Variants in TPST2 observed in about 807,000 individuals in gnomAD.
TPST2 encodes tyrosylprotein sulfotransferase 2, also known as protein-tyrosine sulfotransferase 2.
In TPST2, 16 loss-of-function variants were observed where a neutral mutation model predicts 27.8. The ratio of observed to expected loss-of-function variants is 0.58; its 90% CI spans 0.39 to 0.88. The LOEUF is 0.88. Among genes scored for constraint, TPST2 ranks in the 40% least tolerant of loss-of-function variants. The pLI is 0.00. For synonymous variants in TPST2, 229 were observed against 231.7 expected (o/e 0.99, Z 0.10); for missense variants, 464 against 543.1 (o/e 0.85, Z 1.45).
intron 2 of TPST2, among the ~76,000 whole-genome samples, chr22:26,542,011 G>A (rs928701890): frequency 6.7e-6 from 1 of 149,974 alleles, no homozygotes; most frequent in Non-Finnish European, 1.5e-5. Context: ...TGAGCCACCC[G>A]GTCCAGCGGA....
At position 26,541,420 on chromosome 22, in the gene TPST2, T is replaced by C; in HGVS notation, c.211A>G (p.Ile71Val). 6.4e-7 allele frequency: 1 copy of C among 1,573,932 alleles called. No individual in the cohort carries two copies. The highest frequency in any genetic ancestry group is 1.2e-5 in the South Asian group (1 of 85,008). ...CTGCGAGGCACGCCACCCACGAAGA[T>C]GAGCGGCATGGCCTTGCCATAGCGG... is the stretch of plus-strand genomic sequence containing the variant. Reference protein sequence around the residue: ...EYRYGKAMPLIFVGGVPRSGT... With the variant: ...EYRYGKAMPLVFVGGVPRSGT... The change falls in exon 3 of 7, where the codon ATC becomes GTC. Residue 71 changes from isoleucine (I) to valine (V), a missense_variant. Ile to Val is a conservative substitution (Grantham distance 29). Coordinates refer to ENST00000338754, the MANE Select transcript of TPST2 (RefSeq NM_003595.5). The surrounding 1 kb of genome is among the most constrained non-coding windows in gnomAD (Gnocchi z 5.9).
At chr22:26,576,825 G>A (rs539150101) in intron 1 of TPST2, among the ~76,000 whole-genome samples, 109 of 151,868 alleles carry the variant, frequency 7.2e-4, no homozygotes, top group Admixed American at 4.5e-3. Context: ...GGCCGGGCGC[G>A]GTGGCTCACA....
intron 1 of TPST2, among the ~76,000 whole-genome samples, chr22:26,558,595 C>G (rs531867605): frequency 6.6e-6 from 1 of 152,288 alleles, no homozygotes; most frequent in East Asian, 1.9e-4. Context: ...ACAGACAAAT[C>G]ATAGCTTCTC....
chr22:26,575,439 G>C (rs770696976), intron 1 of TPST2, among the ~76,000 whole-genome samples: 5 of 150,258 alleles, frequency 3.3e-5, no homozygotes, highest in Non-Finnish European at 7.4e-5. Context: ...GCAAGACCAC[G>C]CACAGAACAC....
intron 4 of TPST2, among the ~76,000 whole-genome samples, chr22:26,533,474 A>G (rs1328975897): frequency 6.6e-6 from 1 of 152,152 alleles, no homozygotes; most frequent in Non-Finnish European, 1.5e-5. Context: ...ATAACCTTTG[A>G]GCTGAGACCC....
At chr22:26,537,130 T>C (rs1319418220) in intron 3 of TPST2, among the ~76,000 whole-genome samples, 1 of 152,218 alleles carries the variant, frequency 6.6e-6, no homozygotes, top group Non-Finnish European at 1.5e-5. Context: ...TATAAAACAC[T>C]AATGATAAAG....
chr22:26,535,780 A>C (rs1925420800), intron 4 of TPST2: 5 of 314,446 alleles, frequency 1.6e-5, no homozygotes, highest in South Asian at 1.4e-4. Context: ...CCTCAAACAA[A>C]ACAGTACAAA....
rs563747036 is a variant in TPST2 at position 26,554,830 on chromosome 22, T to C, written c.-160-10155A>G. ...GTGAATGCCTGTAATCCCAGCTACT[T>C]GGGAGGCTGAAGCACAAGAATTGCT... On this transcript the variant is annotated intron_variant, in intron 1 of 6. Coordinates refer to ENST00000338754, the MANE Select transcript of TPST2 (RefSeq NM_003595.5). Among the ~76,000 whole-genome samples the C allele has an allele frequency of 7.9e-5, 12 of 152,252 alleles. No homozygotes were observed. The South Asian group carries it at 8.3e-4, about 11-fold the overall frequency.
chr22:26,539,840 G>A (rs1925694988), intron 3 of TPST2, among the ~76,000 whole-genome samples: 1 of 152,210 alleles, frequency 6.6e-6, no homozygotes, highest in African/African-American at 2.4e-5. Flanking sequence ...ACCATGCTTT[G>A]TTAGCTGTGT....
At chr22:26,546,304 C>T (rs1366880459) in intron 1 of TPST2, among the ~76,000 whole-genome samples, 1 of 152,190 alleles carries the variant, frequency 6.6e-6, no homozygotes, top group Non-Finnish European at 1.5e-5. Flanking sequence ...TAGACCCCCC[C>T]ACAGCAGGCC....
intron 1 of TPST2, among the ~76,000 whole-genome samples, chr22:26,546,902 G>A (rs1280170896): frequency 6.6e-6 from 1 of 152,146 alleles, no homozygotes; most frequent in Non-Finnish European, 1.5e-5. Flanking sequence ...GGAGAGAGAG[G>A]AGGAGGAGCA....
chr22:26,536,366 A>C lies in TPST2; in HGVS notation c.963T>G (p.Ala321=). 6.2e-7 allele frequency: 1 copy of C among 1,610,596 alleles called. No individual in the cohort carries two copies. ...RDMAQIAPML[A]QLGYDPYANP... is the part of the protein sequence containing the mutation. ...TTGCATAAGGGTCATAGCCGAGCTGAGCCAGCATGGGGGCGATCTGGGCCA... is the reference window on the plus strand; with the variant it reads ...TTGCATAAGGGTCATAGCCGAGCTGCGCCAGCATGGGGGCGATCTGGGCCA... The change falls in exon 4 of 7, where the codon GCT becomes GCG. Residue 321 remains alanine, a synonymous_variant. Transcript: ENST00000338754.
chr22:26,532,653 C>T, intron 5 of TPST2, 42 bp downstream of exon 5: 1 of 1,600,640 alleles, frequency 6.2e-7, no homozygotes, highest in Non-Finnish European at 8.6e-7. Context: ...GGTGGTATAG[C>T]TGAGAAAGAC....
At chr22:26,552,999 G>A (rs779166924) in intron 1 of TPST2, among the ~76,000 whole-genome samples, 1 of 143,156 alleles carries the variant, frequency 7.0e-6, no homozygotes, top group East Asian at 2.2e-4. Context: ...GGCGGAGGTT[G>A]CAGTGAGCTG....
At chr22:26,547,044 G>C (rs926924939) in intron 1 of TPST2, among the ~76,000 whole-genome samples, 1 of 152,188 alleles carries the variant, frequency 6.6e-6, no homozygotes, top group Admixed American at 6.5e-5. Context: ...GTGCTGATTA[G>C]AGGGCAAATG....
intron 1 of TPST2, among the ~76,000 whole-genome samples, chr22:26,586,996 C>A (rs562114568): frequency 1.3e-5 from 2 of 152,286 alleles, no homozygotes; most frequent in Non-Finnish European, 2.9e-5. Context: ...TCATCTCAGG[C>A]CTGGGGGGTG....
At chr22:26,536,062 G>A in intron 4 of TPST2, 1 of 699,478 alleles carries the variant, frequency 1.4e-6, no homozygotes, top group East Asian at 2.8e-5. Flanking sequence ...GCTGTTAGAT[G>A]TTAGAGTATG....
chr22:26,570,055 GAAAGAAA>G (rs1569193978), intron 1 of TPST2, among the ~76,000 whole-genome samples: 1 of 145,490 alleles, frequency 6.9e-6, no homozygotes, highest in African/African-American at 2.6e-5. Context: ...CAGAAAGAAA[GAAAGAAA>G]GAAGGAAAGA....
At chr22:26,553,932 A>AT (rs1033252797) in intron 1 of TPST2, among the ~76,000 whole-genome samples, 1 of 151,912 alleles carries the variant, frequency 6.6e-6, no homozygotes, top group Non-Finnish European at 1.5e-5. Flanking sequence ...GCAACCACCC[A>AT]TTTTTTCCCG....
Sources: allele counts gnomAD v4.1 joint callset (sites outside exome capture counted in the v4.1 genomes callset), GRCh38; gene constraint gnomAD v4.1.1; non-coding constraint Gnocchi (gnomAD v3.1); transcripts MANE v1.5; gene names NCBI Gene and HGNC (gene_info 2026-07-23, HGNC 2026-07-21).